NRXN3: variants seen among roughly 807,000 people sequenced by gnomAD.
NRXN3 encodes the protein neurexin III.
Under a neutral mutation model 137.6 loss-of-function variants are expected in NRXN3, and 32 were observed. The ratio of observed to expected loss-of-function variants is 0.23; its 90% CI spans 0.18 to 0.31. The LOEUF is 0.31. NRXN3 is among the 10% of genes least tolerant of loss of function. The pLI, the probability that NRXN3 is intolerant of heterozygous loss-of-function variation, is 1.00. For missense variants in NRXN3, 1,574 were observed against 2,062.5 expected, an observed-to-expected ratio of 0.76 and a Z score of 4.59; for synonymous variants, 798 against 784.5, an observed-to-expected ratio of 1.02 and a Z score of -0.29.
At chr14:79,302,069 T>A (rs942493849) in intron 15 of NRXN3, among the ~76,000 whole-genome samples, 1 of 151,996 alleles carries the variant, frequency 6.6e-6, no homozygotes, top group Non-Finnish European at 1.5e-5. Flanking sequence ...TGCATGGGTG[T>A]TTCTCTCTAT....
chr14:78,978,329 T>C (rs1468546006), intron 14 of NRXN3, among the ~76,000 whole-genome samples: 1 of 152,148 alleles, frequency 6.6e-6, no homozygotes, highest in Non-Finnish European at 1.5e-5. Context: ...TATAATAAGA[T>C]TTAGGACCCT....
chr14:79,300,487 T>C (rs975829518), intron 15 of NRXN3, among the ~76,000 whole-genome samples: 6 of 151,982 alleles, frequency 3.9e-5, no homozygotes, highest in Admixed American at 6.6e-5. Flanking sequence ...GGGATGATGA[T>C]GGTCTAATAT....
At chr14:79,450,623 C>T (rs1960708628) in intron 15 of NRXN3, among the ~76,000 whole-genome samples, 1 of 152,030 alleles carries the variant, frequency 6.6e-6, no homozygotes, top group Admixed American at 6.6e-5. Context: ...CTTTGGTAGG[C>T]CGAGGTGGGA....
Position 79,596,756 on chromosome 14 carries a change from T to C in NRXN3, c.3445-67022T>C, listed in dbSNP as rs146247831. ...TCTGGTCGGGGAGGGGTTTATCTTA[T>C]GGTTGGAATGTTTCTGGACTGGGAT... On this transcript the variant is annotated intron_variant, in intron 16 of 20. Coordinates refer to ENST00000335750, the MANE Select transcript of NRXN3 (RefSeq NM_001330195.2). Among the ~76,000 whole-genome samples the C allele has an allele frequency of 1.7e-3, 260 of 152,222 alleles. 1 individual carries two copies. Among genetic ancestry groups the C allele is most frequent in the African/African-American group, 5.8e-3 (240 of 41,534 alleles).
intron 19 of NRXN3, among the ~76,000 whole-genome samples, chr14:79,752,598 C>T (rs1246010818): frequency 3.9e-5 from 6 of 152,096 alleles, no homozygotes; most frequent in Non-Finnish European, 5.9e-5. Flanking sequence ...AATGTTAGAC[C>T]TAAAACCATA....
At chr14:79,691,307 A>G (rs1379219072) in intron 17 of NRXN3, among the ~76,000 whole-genome samples, 2 of 152,016 alleles carry the variant, frequency 1.3e-5, no homozygotes, top group Admixed American at 6.6e-5. Context: ...TTATGAATGG[A>G]TGCTTGTTCA....
chr14:79,114,886 T>A (rs2152898994), intron 15 of NRXN3, among the ~76,000 whole-genome samples: 1 of 152,244 alleles, frequency 6.6e-6, no homozygotes, highest in African/African-American at 2.4e-5. Flanking sequence ...ACCTCAGACA[T>A]GCCCAGCACT....
At chr14:79,759,593 T>G (rs1017679929) in intron 19 of NRXN3, among the ~76,000 whole-genome samples, 13 of 151,726 alleles carry the variant, frequency 8.6e-5, no homozygotes, top group Admixed American at 6.6e-4. Context: ...TTATGTGACA[T>G]TCAAAGGAAA....
chr14:79,487,662 AG>A (rs1218150065), intron 16 of NRXN3, among the ~76,000 whole-genome samples: 1 of 146,098 alleles, frequency 6.8e-6, no homozygotes, highest in Non-Finnish European at 1.5e-5. Flanking sequence ...GCAGGGTTAC[AG>A]GGGTAACTGT....
At chr14:78,941,672 TA>T (rs2099353262) in intron 10 of NRXN3, among the ~76,000 whole-genome samples, 2 of 152,224 alleles carry the variant, frequency 1.3e-5, no homozygotes, top group South Asian at 4.1e-4. Context: ...TTGGCTGAGA[TA>T]ACTTAACATC....
At chr14:78,965,998 T>C in intron 11 of NRXN3, 27 bp from the exon 12 acceptor site, 1 of 1,603,236 alleles carries the variant, frequency 6.2e-7, no homozygotes, top group Non-Finnish European at 8.5e-7. Flanking sequence ...AACTTTTCTG[T>C]TTGTACCTCA....
intron 15 of NRXN3, among the ~76,000 whole-genome samples, chr14:79,427,092 T>C (rs1224801872): frequency 6.6e-6 from 1 of 152,160 alleles, no homozygotes; most frequent in East Asian, 1.9e-4. Flanking sequence ...TTAGGAGCCA[T>C]ATTAGATAGA....
intron 1 of NRXN3, among the ~76,000 whole-genome samples, chr14:78,173,742 C>T (rs572560096): frequency 6.5e-5 from 5 of 77,074 alleles, no homozygotes; most frequent in South Asian, 9.1e-4. Context: ...AACAGTCGTG[C>T]GATGGCCTTT....
At chr14:78,717,782 C>T (rs560094138) in intron 8 of NRXN3, among the ~76,000 whole-genome samples, 1 of 152,122 alleles carries the variant, frequency 6.6e-6, no homozygotes, top group Non-Finnish European at 1.5e-5. Context: ...CTTGACACGG[C>T]CTTTACTTGT....
intron 4 of NRXN3, among the ~76,000 whole-genome samples, chr14:78,489,962 T>TG (rs2095634010): frequency 6.6e-6 from 1 of 151,512 alleles, no homozygotes; most frequent in Non-Finnish European, 1.5e-5. Flanking sequence ...TCACCCAGGC[T>TG]GGAGTGCAGT....
chr14:79,123,234 T>C (rs1277445873), intron 15 of NRXN3, among the ~76,000 whole-genome samples: 1 of 151,766 alleles, frequency 6.6e-6, no homozygotes, highest in Admixed American at 6.6e-5. Flanking sequence ...TGTGCGCGCG[T>C]GTGTGCGTGC....
chr14:78,460,746 G>T (rs944746226), intron 4 of NRXN3, among the ~76,000 whole-genome samples: 23 of 152,278 alleles, frequency 1.5e-4, no homozygotes, highest in Middle Eastern at 3.4e-3. Flanking sequence ...TCCCTGTTGG[G>T]TCAATAATTA....
chr14:79,657,615 T>C (rs2098512576), intron 16 of NRXN3, among the ~76,000 whole-genome samples: 1 of 151,910 alleles, frequency 6.6e-6, no homozygotes, highest in African/African-American at 2.4e-5. Context: ...GTTGAAAGAG[T>C]AGAGACTAAT....
intron 10 of NRXN3, among the ~76,000 whole-genome samples, chr14:78,849,713 G>C (rs1044295856): frequency 6.6e-6 from 1 of 151,306 alleles, no homozygotes; most frequent in East Asian, 2.0e-4. Context: ...AGTGGAATTG[G>C]GGGTAGGGTG....
Sources: gnomAD v4.1 joint callset for allele counts (sites outside exome capture counted in the v4.1 genomes callset) on GRCh38, gnomAD v4.1.1 for gene constraint, MANE v1.5 for transcripts, NCBI Gene and HGNC (gene_info 2026-07-23, HGNC 2026-07-21) for gene names.